VAV3: variants seen among roughly 807,000 people sequenced by gnomAD.
The protein encoded by VAV3 is vav guanine nucleotide exchange factor 3, also known as guanine nucleotide exchange factor VAV3.
A neutral mutation model predicts 131.2 loss-of-function variants in VAV3; 94 were observed. The observed-to-expected ratio is 0.72, with a 90% CI of 0.61 to 0.85. The LOEUF (loss-of-function observed/expected upper bound fraction) is 0.85, where lower values mean the gene tolerates loss of function less well. Ranked by LOEUF, VAV3 falls within the 40% of genes least tolerant of loss-of-function variation. The pLI is 0.00. For missense variants in VAV3, 939 were observed against 1,002.7 expected, an observed-to-expected ratio of 0.94 and a Z score of 0.86; for synonymous variants, 349 against 342.0, an observed-to-expected ratio of 1.02 and a Z score of -0.22.
intron 1 of VAV3, among the ~76,000 whole-genome samples, chr1:107,903,358 G>A (rs1295148608): frequency 6.6e-6 from 1 of 152,034 alleles, no homozygotes; most frequent in Non-Finnish European, 1.5e-5. Flanking sequence ...TATCATATTT[G>A]CCAGAAATGC....
intron 20 of VAV3, among the ~76,000 whole-genome samples, chr1:107,636,201 G>A (rs1323142768): frequency 6.6e-6 from 1 of 152,152 alleles, no homozygotes; most frequent in African/African-American, 2.4e-5. Context: ...GTGGATTATG[G>A]CCACAATAAA....
intron 2 of VAV3, among the ~76,000 whole-genome samples, chr1:107,787,111 A>G (rs140469686): frequency 3.9e-4 from 60 of 152,262 alleles, no homozygotes; most frequent in African/African-American, 1.3e-3. Context: ...TCCTTTGCCT[A>G]TCAGAATACC....
chr1:107,645,249 A>G (rs1221563210), intron 19 of VAV3, among the ~76,000 whole-genome samples: 1 of 151,968 alleles, frequency 6.6e-6, no homozygotes, highest in Non-Finnish European at 1.5e-5. Context: ...ATCAACTTAC[A>G]AAGTATAGTG....
At chr1:107,892,149 T>C (rs1040333961) in intron 1 of VAV3, among the ~76,000 whole-genome samples, 1 of 152,328 alleles carries the variant, frequency 6.6e-6, no homozygotes, top group Non-Finnish European at 1.5e-5. Flanking sequence ...TGGCATGTCA[T>C]TGTTAGCAGA....
intron 2 of VAV3, among the ~76,000 whole-genome samples, chr1:107,795,748 T>C (rs556953587): frequency 3.7e-4 from 56 of 152,334 alleles, no homozygotes; most frequent in Non-Finnish European, 7.2e-4. Flanking sequence ...GAAACAGAAA[T>C]GTGAGCTGAT....
intron 21 of VAV3, among the ~76,000 whole-genome samples, chr1:107,615,152 C>T (rs1211339405): frequency 6.6e-6 from 1 of 151,716 alleles, no homozygotes; most frequent in Non-Finnish European, 1.5e-5. Flanking sequence ...AATAAAGAGC[C>T]CAGAAATAAT....
At chr1:107,749,391 T>C (rs17229647) in intron 14 of VAV3, 71 bp downstream of exon 14, 39,972 of 1,448,210 alleles carry the variant, frequency 0.028, 713 homozygotes, top group Non-Finnish European at 0.031. Context: ...CTCACATTAA[T>C]GTATTATCAT....
chr1:107,667,837 T>C (rs1466026999), intron 19 of VAV3, among the ~76,000 whole-genome samples: 1 of 152,144 alleles, frequency 6.6e-6, no homozygotes, highest in East Asian at 1.9e-4. Context: ...GGCACACTAA[T>C]GAAAGATCTA....
intron 18 of VAV3, among the ~76,000 whole-genome samples, chr1:107,686,639 AAC>A (rs1283597018): frequency 1.3e-5 from 2 of 152,186 alleles, no homozygotes; most frequent in Non-Finnish European, 2.9e-5. Context: ...ATCCACACAA[AAC>A]AGAGATTTTT....
rs574758515 is a variant in VAV3 at position 107,782,462 on chromosome 1, CT to C, written c.322-2971del. Among the ~76,000 whole-genome samples, 212 of 152,258 alleles carry C rather than the reference CT, an allele frequency of 1.4e-3. 1 individual carries two copies. Among genetic ancestry groups the C allele is most frequent in the African/African-American group, 4.9e-3 (203 of 41,544 alleles). ...ATGTGTTTTATAAGGACAAACATTT[CT>C]GAAAATCAACAAGCTGAGACCAACT... On this transcript the variant is annotated intron_variant, in intron 2 of 26. Coordinates refer to ENST00000370056, the MANE Select transcript of VAV3 (RefSeq NM_006113.5).
At chr1:107,868,904 G>T (rs1376478110) in intron 2 of VAV3, among the ~76,000 whole-genome samples, 1 of 152,140 alleles carries the variant, frequency 6.6e-6, no homozygotes, top group Non-Finnish European at 1.5e-5. Context: ...AAAACCTATA[G>T]ATATACATTT....
At chr1:107,863,036 T>C (rs1038161663) in intron 2 of VAV3, among the ~76,000 whole-genome samples, 1 of 151,806 alleles carries the variant, frequency 6.6e-6, no homozygotes, top group Non-Finnish European at 1.5e-5. Context: ...CATAGAAAAA[T>C]AAAACATATC....
intron 1 of VAV3, among the ~76,000 whole-genome samples, chr1:107,934,243 A>G (rs1673597661): frequency 6.6e-6 from 1 of 152,206 alleles, no homozygotes; most frequent in Non-Finnish European, 1.5e-5. Context: ...AAATATTGCA[A>G]AACCCAAGAC....
At position 107,685,310 on chromosome 1, in the gene VAV3, G is replaced by A. The variant is rs1570750978; in HGVS notation, c.1732-1777C>T. On this transcript the variant is annotated intron_variant, in intron 18 of 26. Transcript: ENST00000370056. ...CAAACAGTTAAATTTATATCTCTGT[G>A]CCTGTTTGTTCCTCTATAAAATGGA... 3.3e-5 allele frequency among the ~76,000 whole-genome samples: 5 copies of A among 152,186 alleles called. No homozygotes were observed. The South Asian group carries it at 1.0e-3, about 32-fold the overall frequency.
In VAV3 at chr1:107,755,479, T is replaced by A; in HGVS notation, c.1121A>T (p.Asp374Val). The part of the protein sequence containing the change: ...LAQYVNEVKR[D>V]NETLREIKQF... ...TTTAATTTCACGAAGGGTCTCATTATCTCTTTTCACTTCATTCACATATTG... is the reference window on the plus strand; with the variant it reads ...TTTAATTTCACGAAGGGTCTCATTAACTCTTTTCACTTCATTCACATATTG... The change falls in exon 12 of 27, where the codon GAT (aspartate) becomes GTT (valine). Residue 374 changes from aspartate to valine, a missense_variant. Physicochemically the swap from Asp to Val is radical, Grantham distance 152. Transcript: ENST00000370056. The A allele has an allele frequency of 6.2e-7, 1 of 1,613,804 alleles. No homozygotes were observed. Among genetic ancestry groups the A allele is most frequent in the Non-Finnish European group, 8.5e-7 (1 of 1,179,776 alleles).
chr1:107,630,348 A>AGGATGGATGGATGGATGGAT (rs112495050), intron 20 of VAV3, among the ~76,000 whole-genome samples: 12,291 of 150,740 alleles, frequency 0.082, 565 homozygotes, highest in Admixed American at 0.11. Context: ...AATGGATGGG[A>AGGATGGATGGATGGATGGAT]GGATGGATGG....
chr1:107,698,449 T>A (rs1480751311), intron 17 of VAV3, among the ~76,000 whole-genome samples: 1 of 152,150 alleles, frequency 6.6e-6, no homozygotes, highest in Non-Finnish European at 1.5e-5. Flanking sequence ...TGAGCATGTT[T>A]AAAGTATGAT....
At chr1:107,925,850 T>C (rs1673124541) in intron 1 of VAV3, among the ~76,000 whole-genome samples, 5 of 151,298 alleles carry the variant, frequency 3.3e-5, no homozygotes. Context: ...ATATATACCA[T>C]ATATGTATAT....
At chr1:107,641,889 G>T (rs533609261) in intron 20 of VAV3, among the ~76,000 whole-genome samples, 4 of 152,228 alleles carry the variant, frequency 2.6e-5, no homozygotes, top group Admixed American at 1.3e-4. Context: ...TTTTTCTCTA[G>T]TGTTCCAATT....
Sources: allele counts gnomAD v4.1 joint callset (sites outside exome capture counted in the v4.1 genomes callset), GRCh38; gene constraint gnomAD v4.1.1; transcripts MANE v1.5; gene names NCBI Gene and HGNC (gene_info 2026-07-23, HGNC 2026-07-21).